Variants in REEP5 observed in about 807,000 individuals in gnomAD.
The protein encoded by REEP5 is receptor accessory protein 5.
Under a neutral mutation model 22.4 loss-of-function variants are expected in REEP5, and 24 were observed. The ratio of observed to expected loss-of-function variants is 1.07; its 90% confidence interval spans 0.78 to 1.51. REEP5 has a LOEUF of 1.51. REEP5 is among the 40% of genes most tolerant of loss of function. REEP5 has a pLI of 0.00. For synonymous variants in REEP5, 103 were observed against 88.6 expected, an observed-to-expected ratio of 1.16 and a Z score of -0.92; for missense variants, 252 against 233.0, an observed-to-expected ratio of 1.08 and a Z score of -0.53.
chr5:112,915,038 A>G (rs1769201007), intron 2 of REEP5, among the ~76,000 whole-genome samples: 1 of 152,256 alleles, frequency 6.6e-6, no homozygotes, highest in South Asian at 2.1e-4. Context: ...ATACCTTAAC[A>G]TGTTATATTT....
rs1421180127 is a variant in REEP5 at position 112,877,205 on chromosome 5, T to G, written c.*1581A>C. 3 of 152,220 alleles carry G rather than the reference T, an allele frequency of 2.0e-5. No individual in the cohort carries two copies. Among genetic ancestry groups the G allele is most frequent in the African/African-American group, 7.2e-5 (3 of 41,462 alleles). The allele number at this position is 152,220 out of a possible 1,614,324, so 9.4% of individuals were successfully genotyped here. A position where few individuals can be genotyped will look rare whatever the true frequency, so the allele number is the denominator to read the frequency against. On this transcript the variant is annotated 3_prime_UTR_variant, in exon 5 of 5. Coordinates refer to ENST00000379638, the MANE Select transcript of REEP5 (RefSeq NM_005669.5). The stretch of plus-strand genomic sequence containing the variant: ...TCTGATCCATATTATATTAGAGTGA[T>G]ACTGTCACTTAGTATTGATATCTTT...
At chr5:112,910,389 T>A (rs1364452647) in intron 2 of REEP5, among the ~76,000 whole-genome samples, 1 of 152,118 alleles carries the variant, frequency 6.6e-6, no homozygotes, top group Non-Finnish European at 1.5e-5. Flanking sequence ...AGTGGGTACA[T>A]GGGAAATCTT....
intron 3 of REEP5, chr5:112,894,983 A>T (rs1291999741): frequency 1.3e-5 from 2 of 149,544 alleles, no homozygotes; most frequent in East Asian, 4.0e-4. Context: ...TTACGCCTGT[A>T]ATCCCAGCAC....
chr5:112,888,114 A>G (rs574120765), intron 3 of REEP5, among the ~76,000 whole-genome samples: 124 of 152,262 alleles, frequency 8.1e-4, no homozygotes, highest in African/African-American at 2.8e-3. Flanking sequence ...CCAAATCAGT[A>G]TTTTTTACAA....
chr5:112,882,725 C>T (rs1255117739), intron 4 of REEP5, among the ~76,000 whole-genome samples: 1 of 152,176 alleles, frequency 6.6e-6, no homozygotes, highest in African/African-American at 2.4e-5. Flanking sequence ...GCAACAGAGA[C>T]ATGATAGCCC....
At position 112,877,437 on chromosome 5, in the gene REEP5, A is replaced by G. The variant is rs1767931727; in HGVS notation, c.*1349T>C. On this transcript the variant is annotated 3_prime_UTR_variant, in exon 5 of 5. Coordinates refer to ENST00000379638, the MANE Select transcript of REEP5 (RefSeq NM_005669.5). The stretch of plus-strand genomic sequence containing the variant: ...AACTCAGATTTTCTAGTCCAGACAA[A>G]TTGCTCTCTATAACGATTTGGCAGA... The G allele has an allele frequency of 6.6e-6, 1 of 152,160 alleles. No individual in the cohort carries two copies. Among genetic ancestry groups the G allele is most frequent in the South Asian group, 2.1e-4 (1 of 4,830 alleles). The allele number at this position is 152,160 out of a possible 1,614,324, so 9.4% of individuals were successfully genotyped here. A position where few individuals can be genotyped will look rare whatever the true frequency, so the allele number is the denominator to read the frequency against.
chr5:112,883,450 C>T (rs1191792148), intron 4 of REEP5, among the ~76,000 whole-genome samples: 1 of 152,122 alleles, frequency 6.6e-6, no homozygotes, highest in African/African-American at 2.4e-5. Context: ...CCAGGGATAC[C>T]ACACGCTCAT....
At chr5:112,887,997 T>G (rs1768313020) in intron 3 of REEP5, among the ~76,000 whole-genome samples, 1 of 152,216 alleles carries the variant, frequency 6.6e-6, no homozygotes, top group Admixed American at 6.5e-5. Flanking sequence ...CCTAGAAAGT[T>G]TAATAAACAA....
rs1222541528 is a variant in REEP5, at chr5:112,892,568, C to T, written c.352-5385G>A. The T allele has an allele frequency of 4.3e-6, 7 of 1,614,002 alleles. No homozygotes were observed. In the Admixed American group the frequency reaches 1.0e-4, roughly 23 times the overall value. On this transcript the variant is annotated intron_variant, in intron 3 of 4. Transcript: ENST00000379638. ...CTGCAATGTGAATTCTGCCCAGTGA[C>T]CCGGTGGAAAATGGCGATTTGTGGT...
intron 3 of REEP5, chr5:112,892,180 A>G (rs746419233): frequency 1.4e-5 from 22 of 1,614,112 alleles, no homozygotes; most frequent in Non-Finnish European, 1.8e-5. Context: ...TCCCTTCTAC[A>G]GTAAAACAGG....
At chr5:112,902,840 C>G (rs1768880367) in intron 2 of REEP5, among the ~76,000 whole-genome samples, 1 of 152,208 alleles carries the variant, frequency 6.6e-6, no homozygotes, top group Admixed American at 6.5e-5. Flanking sequence ...GCAATTTCCA[C>G]TCCCAAGCTG....
At chr5:112,893,050 A>G (rs1241910278) in intron 3 of REEP5, 7 of 1,417,814 alleles carry the variant, frequency 4.9e-6, no homozygotes, top group Non-Finnish European at 6.9e-6. Context: ...TAATAGAGAC[A>G]GAACTGTTCA....
intron 3 of REEP5, among the ~76,000 whole-genome samples, chr5:112,887,535 A>T (rs1379625739): frequency 1.3e-5 from 2 of 152,202 alleles, no homozygotes; most frequent in Non-Finnish European, 2.9e-5. Flanking sequence ...ACTTATCTGC[A>T]TGTATAAAGC....
At chr5:112,892,055 A>C (rs762529349) in intron 3 of REEP5, 4 of 1,530,124 alleles carry the variant, frequency 2.6e-6, no homozygotes, top group East Asian at 2.2e-5. Flanking sequence ...GAAAAAGAGG[A>C]AGCTGTGCAG....
intron 2 of REEP5, among the ~76,000 whole-genome samples, chr5:112,906,422 A>AT (rs1768957438): frequency 6.6e-6 from 1 of 152,238 alleles, no homozygotes; most frequent in African/African-American, 2.4e-5. Flanking sequence ...CAAAGTAGGC[A>AT]TTTAATATTT....
intron 3 of REEP5, chr5:112,897,033 A>G (rs1012905932): frequency 6.6e-6 from 1 of 152,226 alleles, no homozygotes; most frequent in Non-Finnish European, 1.5e-5. Flanking sequence ...AATGTCCTCA[A>G]TGTCTTTCAA....
chr5:112,913,682 G>T (rs1175080599), intron 2 of REEP5, among the ~76,000 whole-genome samples: 2 of 151,542 alleles, frequency 1.3e-5, no homozygotes, highest in East Asian at 1.9e-4. Flanking sequence ...CCACCATTTT[G>T]TTTTTAAATG....
At chr5:112,916,800 C>T (rs1049867616) in intron 2 of REEP5, among the ~76,000 whole-genome samples, 2 of 152,156 alleles carry the variant, frequency 1.3e-5, no homozygotes, top group Non-Finnish European at 2.9e-5. Context: ...GTTGTGAGAC[C>T]TTGATCAAGT....
intron 2 of REEP5, among the ~76,000 whole-genome samples, chr5:112,912,472 A>G (rs756349121): frequency 3.3e-5 from 5 of 152,216 alleles, no homozygotes; most frequent in Non-Finnish European, 7.3e-5. Context: ...TATATATTTT[A>G]ATTTTATCCA....
Sources: gnomAD v4.1 joint callset for allele counts (sites outside exome capture counted in the v4.1 genomes callset) on GRCh38, gnomAD v4.1.1 for gene constraint, MANE v1.5 for transcripts, NCBI Gene and HGNC (gene_info 2026-07-23, HGNC 2026-07-21) for gene names.